Variants in TMEM170B observed in about 807,000 individuals in gnomAD.
TMEM170B encodes the protein transmembrane protein 170B.
A neutral mutation model predicts 13.0 loss-of-function variants in TMEM170B; 6 were observed. The ratio of observed to expected loss-of-function variants is 0.46; its 90% CI spans 0.25 to 0.91. The LOEUF is 0.91. Among genes scored for constraint, TMEM170B ranks in the 40% least tolerant of loss-of-function variants. The pLI, the probability that TMEM170B is intolerant of heterozygous loss-of-function variation, is 0.17. For missense variants in TMEM170B, 138 were observed against 165.2 expected, an observed-to-expected ratio of 0.84 and a Z score of 0.90; for synonymous variants, 61 against 64.9, an observed-to-expected ratio of 0.94 and a Z score of 0.29.
Position 11,575,340 on chromosome 6 carries a change from G to A in TMEM170B, c.269-91G>A. The A allele has an allele frequency of 6.8e-7, 1 of 1,471,508 alleles. No homozygotes were observed. The highest frequency in any genetic ancestry group is 9.2e-7 in the Non-Finnish European group (1 of 1,083,878). 91.2% of individuals were successfully genotyped at this position (1,471,508 alleles called of 1,614,324 possible). On this transcript the variant is annotated intron_variant, in intron 2 of 2. Coordinates refer to ENST00000379426, the MANE Select transcript of TMEM170B (RefSeq NM_001100829.3). The surrounding 1 kb of genome is among the most constrained non-coding windows in gnomAD (Gnocchi z 4.1). ...AGAAAAAAATGATGACTTATGTTTT[G>A]ATGAAATGAAAAGAGCTCTTAAGGT...
In TMEM170B at chr6:11,562,221, CTG is replaced by C. The variant is rs901631138; in HGVS notation, c.98-3443_98-3442del. Among the ~76,000 whole-genome samples, 5 of 152,022 alleles carry C rather than the reference CTG, an allele frequency of 3.3e-5. No homozygotes were observed. The South Asian group carries it at 1.0e-3, about 32-fold the overall frequency. On this transcript the variant is annotated intron_variant, in intron 1 of 2. Transcript: ENST00000379426. ...ACTTTATTAGGTTCACTTAGGAAAA[CTG>C]TATCTTTCAATATGCAAATATCTGC...
At chr6:11,568,076 AGGTTTGAT>A (rs1300516960) in intron 2 of TMEM170B, among the ~76,000 whole-genome samples, 1 of 152,186 alleles carries the variant, frequency 6.6e-6, no homozygotes, top group East Asian at 1.9e-4. Flanking sequence ...CAAAACATAT[AGGTTTGAT>A]GGATAGGAGT....
intron 1 of TMEM170B, among the ~76,000 whole-genome samples, chr6:11,557,308 T>G (rs1001901313): frequency 1.3e-5 from 2 of 152,218 alleles, no homozygotes; most frequent in Non-Finnish European, 2.9e-5. Flanking sequence ...ATAGAATAAC[T>G]GAACTGTTTT....
intron 1 of TMEM170B, among the ~76,000 whole-genome samples, chr6:11,556,267 G>A (rs80179241): frequency 0.051 from 7,736 of 152,264 alleles, 277 homozygotes; most frequent in African/African-American, 0.095. Flanking sequence ...CTACTTAGGA[G>A]TTGAGCTGAA....
intron 1 of TMEM170B, among the ~76,000 whole-genome samples, chr6:11,552,804 CTG>C (rs1759542228): frequency 6.6e-6 from 1 of 152,164 alleles, no homozygotes; most frequent in African/African-American, 2.4e-5. Context: ...CAAAGGCAGT[CTG>C]TGCACAGTCT....
chr6:11,538,061 C>T lies in TMEM170B; in HGVS notation c.-217C>T, dbSNP rs1759303889. 6.6e-6 allele frequency among the ~76,000 whole-genome samples: 1 copy of T among 151,284 alleles called. No homozygotes were observed. The highest frequency in any genetic ancestry group is 2.0e-4 in the East Asian group (1 of 5,088). ...CCTCCGTCCGCCGTCCTCAATGTCT[C>T]CCCGGCGGGGAGGGGGCTGCCTGGG... is the stretch of plus-strand genomic sequence containing the variant. On this transcript the variant is annotated 5_prime_UTR_variant, in exon 1 of 3. Coordinates refer to ENST00000379426, the MANE Select transcript of TMEM170B (RefSeq NM_001100829.3).
intron 2 of TMEM170B, among the ~76,000 whole-genome samples, chr6:11,573,833 A>G (rs1479945651): frequency 6.6e-6 from 1 of 152,162 alleles, no homozygotes; most frequent in Non-Finnish European, 1.5e-5. Context: ...GTTTATTTTA[A>G]CATAATTTCT....
At chr6:11,552,126 C>T (rs1004982798) in intron 1 of TMEM170B, among the ~76,000 whole-genome samples, 1 of 152,120 alleles carries the variant, frequency 6.6e-6, no homozygotes, top group African/African-American at 2.4e-5. Flanking sequence ...ACCAACTCTT[C>T]AGGAGATTTT....
At chr6:11,539,971 T>G (rs1759337362) in intron 1 of TMEM170B, among the ~76,000 whole-genome samples, 1 of 152,210 alleles carries the variant, frequency 6.6e-6, no homozygotes, top group African/African-American at 2.4e-5. Context: ...AAAGTTACAT[T>G]TTACCTGTAG....
intron 1 of TMEM170B, among the ~76,000 whole-genome samples, chr6:11,543,666 TAGAA>T (rs1582137213): frequency 6.6e-6 from 1 of 152,156 alleles, no homozygotes; most frequent in African/African-American, 2.4e-5. Flanking sequence ...ATGAAACTAA[TAGAA>T]AGGAGCATAG....
intron 1 of TMEM170B, among the ~76,000 whole-genome samples, chr6:11,545,278 C>CTGTGTGTGTGTGTGTGTG (rs1222024504): frequency 2.5e-4 from 22 of 89,732 alleles, no homozygotes; most frequent in South Asian, 5.3e-4. Context: ...CTCTCTCTCT[C>CTGTGTGTGTGTGTGTGTG]TCTGTGTGTG....
At chr6:11,558,900 A>G (rs1453867138) in intron 1 of TMEM170B, among the ~76,000 whole-genome samples, 5 of 152,242 alleles carry the variant, frequency 3.3e-5, no homozygotes, top group South Asian at 2.1e-4. Context: ...GGGATGGGAC[A>G]GCCAAGCCCA....
chr6:11,569,454 C>T (rs1424332064), intron 2 of TMEM170B, among the ~76,000 whole-genome samples: 1 of 152,008 alleles, frequency 6.6e-6, no homozygotes, highest in Non-Finnish European at 1.5e-5. Flanking sequence ...TTTAATTCAC[C>T]TGTAGCAGGA....
intron 1 of TMEM170B, among the ~76,000 whole-genome samples, chr6:11,548,293 G>T (rs1206233638): frequency 6.6e-6 from 1 of 152,154 alleles, no homozygotes; most frequent in East Asian, 1.9e-4. Flanking sequence ...CTCAGAAGAA[G>T]ACATTTATGC....
At chr6:11,568,267 A>G (rs1759760563) in intron 2 of TMEM170B, among the ~76,000 whole-genome samples, 1 of 152,306 alleles carries the variant, frequency 6.6e-6, no homozygotes, top group Admixed American at 6.5e-5. Flanking sequence ...AGAACCATAC[A>G]AAGGACAAAA....
intron 1 of TMEM170B, among the ~76,000 whole-genome samples, chr6:11,562,589 T>G (rs971516148): frequency 6.6e-6 from 1 of 152,132 alleles, no homozygotes; most frequent in African/African-American, 2.4e-5. Context: ...AAGATTAAAC[T>G]TTTATTTTGA....
chr6:11,539,063 G>GT (rs1156834537), intron 1 of TMEM170B, among the ~76,000 whole-genome samples: 1 of 152,136 alleles, frequency 6.6e-6, no homozygotes, highest in African/African-American at 2.4e-5. Flanking sequence ...TATTAAGGCT[G>GT]TCAGTAATTG....
Position 11,575,462 on chromosome 6 carries a change from T to C in TMEM170B, c.300T>C (p.Ala100=). 6.2e-7 allele frequency: 1 copy of C among 1,613,558 alleles called. No homozygotes were observed. Among genetic ancestry groups the C allele is most frequent in the South Asian group, 1.1e-5 (1 of 91,070 alleles). The change falls in exon 3 of 3, where the codon GCT becomes GCC. Residue 100 remains alanine, a synonymous_variant. Coordinates refer to ENST00000379426, the MANE Select transcript of TMEM170B (RefSeq NM_001100829.3). The surrounding 1 kb of genome is among the most constrained non-coding windows in gnomAD (Gnocchi z 4.1). Reference sequence around the variant, plus strand: ...CAGTAGCGGGCATTTACAGAGTAGCTGGGAAGAACATGGCCCCTTTGGAAG... The same window carrying C: ...CAGTAGCGGGCATTTACAGAGTAGCCGGGAAGAACATGGCCCCTTTGGAAG... ...SAAVAGIYRV[A]GKNMAPLEAL...
At chr6:11,545,639 T>C (rs542925004) in intron 1 of TMEM170B, among the ~76,000 whole-genome samples, 2 of 152,270 alleles carry the variant, frequency 1.3e-5, no homozygotes, top group East Asian at 1.9e-4. Context: ...TATATAGTTA[T>C]GTACAGTACA....
Sources: allele counts gnomAD v4.1 joint callset (sites outside exome capture counted in the v4.1 genomes callset), GRCh38; gene constraint gnomAD v4.1.1; non-coding constraint Gnocchi (gnomAD v3.1); transcripts MANE v1.5; gene names NCBI Gene and HGNC (gene_info 2026-07-23, HGNC 2026-07-21).